Variants in RPE65 observed in about 807,000 individuals in gnomAD.
The protein encoded by RPE65 is retinoid isomerohydrolase.
In RPE65, 58 loss-of-function variants were observed where a neutral mutation model predicts 68.5. The ratio of observed to expected loss-of-function variants is 0.85; its 90% CI spans 0.69 to 1.05. RPE65 has a LOEUF of 1.05. RPE65 is among the 50% of genes least tolerant of loss of function. RPE65 has a pLI of 0.00. For missense variants in RPE65, 643 were observed against 629.9 expected (o/e 1.02, Z -0.22); for synonymous variants, 220 against 222.2 (o/e 0.99, Z 0.09).
At position 68,448,713 on chromosome 1, in the gene RPE65, T is replaced by C. The variant is rs1645960187; in HGVS notation, c.12-7A>G. The C allele has an allele frequency of 6.2e-7, 1 of 1,611,972 alleles. No homozygotes were observed. The highest frequency in any genetic ancestry group is 8.5e-7 in the Non-Finnish European group (1 of 1,179,058). ...ACCAGCAGGATGCTCAACCCTGAAA[T>C]GGTGGAAGAATAAGGAAGAAGCCCA... On this transcript the variant is annotated splice_polypyrimidine_tract_variant and splice_region_variant and intron_variant, in intron 1 of 13. Coordinates refer to ENST00000262340, the MANE Select transcript of RPE65 (RefSeq NM_000329.3).
At chr1:68,435,250 A>G (rs1225160289) in intron 10 of RPE65, among the ~76,000 whole-genome samples, 8 of 151,366 alleles carry the variant, frequency 5.3e-5, no homozygotes, top group Non-Finnish European at 4.4e-5. Flanking sequence ...ACACATGTTT[A>G]TTTTCTGGAG....
At chr1:68,438,902 A>G in intron 9 of RPE65, 40 bp downstream of exon 9, 1 of 1,612,306 alleles carries the variant, frequency 6.2e-7, no homozygotes, top group South Asian at 1.1e-5. Flanking sequence ...ATTTCCAGGA[A>G]CAATGGGAGG....
At chr1:68,448,204 C>T (rs1298032976) in intron 2 of RPE65, among the ~76,000 whole-genome samples, 1 of 152,184 alleles carries the variant, frequency 6.6e-6, no homozygotes, top group African/African-American at 2.4e-5. Context: ...AGGTTAGCAT[C>T]TACATCTGCC....
chr1:68,431,090 G>A lies in RPE65; in HGVS notation c.1425C>T (p.His475=). 2 of 1,613,710 alleles carry A rather than the reference G, an allele frequency of 1.2e-6. No individual in the cohort carries two copies. Among genetic ancestry groups the A allele is most frequent in the Non-Finnish European group, 8.5e-7 (1 of 1,179,748 alleles). ...SYPSEPIFVS[H]PDALEEDDGV... ...CATCATCTTCTTCCAAGGCATCTGG[G>A]TGAGAAACAAAGATGGGTTCTGATG... Residue 475 remains histidine, a synonymous_variant, in exon 13 of 14, where the codon CAC becomes CAT. Coordinates refer to ENST00000262340, the MANE Select transcript of RPE65 (RefSeq NM_000329.3).
chr1:68,433,936 G>C (rs953430428), intron 10 of RPE65, among the ~76,000 whole-genome samples: 3 of 152,070 alleles, frequency 2.0e-5, no homozygotes, highest in African/African-American at 7.2e-5. Context: ...GTGAGAGAGA[G>C]TGAGAAAGTA....
intron 9 of RPE65, 107 bp downstream of exon 9, chr1:68,438,833 ACT>A: frequency 7.3e-7 from 1 of 1,368,044 alleles, no homozygotes; most frequent in Non-Finnish European, 1.0e-6. Flanking sequence ...CTCTCACATA[ACT>A]CTTGCTGTTT....
intron 10 of RPE65, 68 bp downstream of exon 10, chr1:68,438,119 A>G: frequency 1.3e-6 from 2 of 1,590,590 alleles, no homozygotes; most frequent in South Asian, 1.1e-5. Context: ...AACATGAGGC[A>G]GGAGGACAAT....
In RPE65 at chr1:68,438,987, T is replaced by C. The variant is rs761284021; in HGVS notation, c.953A>G (p.Tyr318Cys). 119 of 1,613,958 alleles carry C rather than the reference T, an allele frequency of 7.4e-5. No homozygotes were observed. The highest frequency in any genetic ancestry group is 1.6e-4 in the Middle Eastern group (1 of 6,084). Reference protein sequence around the residue: ...PFNLFHHINTYEDNGFLIVDL... With the variant: ...PFNLFHHINTCEDNGFLIVDL... The stretch of plus-strand genomic sequence containing the variant: ...CACAATCAGAAACCCATTGTCTTCA[T>C]AGGTGTTGATGTGATGGAAGAGGTT... Residue 318 changes from tyrosine to cysteine, a missense_variant, in exon 9 of 14, where the codon TAT (tyrosine) becomes TGT (cysteine). Coordinates refer to ENST00000262340, the MANE Select transcript of RPE65 (RefSeq NM_000329.3).
Position 68,429,627 on chromosome 1 carries a change from A to G in RPE65, c.*149T>C, listed in dbSNP as rs1645805876. 1.2e-6 allele frequency: 1 copy of G among 842,590 alleles called. No individual in the cohort carries two copies. Among genetic ancestry groups the G allele is most frequent in the Admixed American group, 2.1e-5 (1 of 47,060 alleles). The allele number at this position is 842,590 out of a possible 1,614,324, so 52.2% of individuals were successfully genotyped here. A position where few individuals can be genotyped will look rare whatever the true frequency, so the allele number is the denominator to read the frequency against. ...AATAAAGGAATTGCTTGCTCAACTC[A>G]GTGCTTTCTGTAAAACATTGCAAAA... On this transcript the variant is annotated 3_prime_UTR_variant, in exon 14 of 14. Transcript: ENST00000262340.
At chr1:68,449,034 C>A (rs192622985) in intron 1 of RPE65, among the ~76,000 whole-genome samples, 3 of 152,106 alleles carry the variant, frequency 2.0e-5, no homozygotes, top group Non-Finnish European at 4.4e-5. Flanking sequence ...TTCCTTACTT[C>A]GGAAGACAAA....
intron 10 of RPE65, among the ~76,000 whole-genome samples, chr1:68,436,333 T>C (rs1645862326): frequency 6.6e-6 from 1 of 152,172 alleles, no homozygotes; most frequent in Non-Finnish European, 1.5e-5. Flanking sequence ...TCCAGATCCA[T>C]GTACAGCAGC....
At chr1:68,438,056 T>G in intron 10 of RPE65, 131 bp downstream of exon 10, 1 of 1,101,470 alleles carries the variant, frequency 9.1e-7, no homozygotes, top group Non-Finnish European at 1.3e-6. Flanking sequence ...GAAGTTTAAT[T>G]AGCCTATTTT....
Position 68,438,888 on chromosome 1 carries a change from C to T in RPE65, c.998+54G>A, listed in dbSNP as rs79468836. On this transcript the variant is annotated intron_variant, in intron 9 of 13. Transcript: ENST00000262340. ...GAGTGCAGCAGCTCTGTAAAAACCC[C>T]GTAATTTCCAGGAACAATGGGAGGT... is the stretch of plus-strand genomic sequence containing the variant. 1,709 of 1,611,038 alleles carry T rather than the reference C, an allele frequency of 1.1e-3. 17 individuals are homozygous for T. In the African/African-American group the frequency reaches 0.018, roughly 17 times the overall value.
chr1:68,429,669 G>T lies in RPE65; in HGVS notation c.*107C>A. 7.0e-7 allele frequency: 1 copy of T among 1,424,358 alleles called. No individual in the cohort carries two copies. Among genetic ancestry groups the T allele is most frequent in the Non-Finnish European group, 9.8e-7 (1 of 1,024,846 alleles). 88.2% of individuals were successfully genotyped at this position (1,424,358 alleles called of 1,614,324 possible). A position where few individuals can be genotyped will look rare whatever the true frequency, so the allele number is the denominator to read the frequency against. On this transcript the variant is annotated 3_prime_UTR_variant, in exon 14 of 14. Coordinates refer to ENST00000262340, the MANE Select transcript of RPE65 (RefSeq NM_000329.3). ...ATTGCAAAATTGTGCGCATCTGCAA[G>T]TTAAAACCATGACATATAGCAGGCT...
chr1:68,434,113 T>C (rs3125892), intron 10 of RPE65, among the ~76,000 whole-genome samples: 16,248 of 142,780 alleles, frequency 0.11, 959 homozygotes, highest in Admixed American at 0.17. Flanking sequence ...TATATATATA[T>C]ATACACACAC....
intron 3 of RPE65, among the ~76,000 whole-genome samples, chr1:68,446,342 C>T (rs989118709): frequency 9.9e-5 from 15 of 151,242 alleles, no homozygotes; most frequent in African/African-American, 1.7e-4. Flanking sequence ...CTAGACACTG[C>T]GCTCTCATTT....
chr1:68,435,786 A>C (rs1290219106), intron 10 of RPE65, among the ~76,000 whole-genome samples: 1 of 152,162 alleles, frequency 6.6e-6, no homozygotes, highest in African/African-American at 2.4e-5. Context: ...TTAACAAATC[A>C]ATTTATCCCT....
At chr1:68,431,005 GA>G (rs1248795585) in intron 13 of RPE65, 59 bp downstream of exon 13, 5 of 1,347,422 alleles carry the variant, frequency 3.7e-6, no homozygotes, top group Non-Finnish European at 5.3e-6. Flanking sequence ...CTTTCCTAAC[GA>G]ACTAACATAC....
chr1:68,432,814 T>C (rs1029182908), intron 10 of RPE65, among the ~76,000 whole-genome samples: 1 of 152,118 alleles, frequency 6.6e-6, no homozygotes, highest in Non-Finnish European at 1.5e-5. Context: ...GGAAACCAGT[T>C]TGTCTTGTAG....
Sources: allele counts gnomAD v4.1 joint callset (sites outside exome capture counted in the v4.1 genomes callset), GRCh38; gene constraint gnomAD v4.1.1; transcripts MANE v1.5; gene names NCBI Gene and HGNC (gene_info 2026-07-23, HGNC 2026-07-21).